The following HERC1 variants were observed in gnomAD, a reference collection of about 807,000 sequenced individuals.
The protein encoded by HERC1 is HECT and RLD domain containing E3 ubiquitin protein ligase family member 1.
A neutral mutation model predicts 554.3 loss-of-function variants in HERC1; 160 were observed. That is an observed-to-expected ratio of 0.29 (90% CI 0.25 to 0.33). HERC1 has a LOEUF of 0.33. Among genes scored for constraint, HERC1 ranks in the 10% least tolerant of loss-of-function variants. The pLI is 1.00. For missense variants in HERC1, 4,919 were observed against 5,918.5 expected, an observed-to-expected ratio of 0.83 and a Z score of 5.54; for synonymous variants, 2,175 against 2,131.7, an observed-to-expected ratio of 1.02 and a Z score of -0.56.
At chr15:63,782,770 T>G (rs1490726999) in intron 1 of HERC1, among the ~76,000 whole-genome samples, 1 of 152,232 alleles carries the variant, frequency 6.6e-6, no homozygotes, top group East Asian at 1.9e-4. Flanking sequence ...ATTAAGAGCA[T>G]CCATGGTTCA....
intron 2 of HERC1, among the ~76,000 whole-genome samples, chr15:63,769,048 C>A (rs1286086326): frequency 6.6e-6 from 1 of 152,128 alleles, no homozygotes; most frequent in Admixed American, 6.6e-5. Flanking sequence ...TTGTTAATTT[C>A]TCAACAAAAA....
intron 1 of HERC1, among the ~76,000 whole-genome samples, chr15:63,777,655 T>C (rs190248622): frequency 1.3e-5 from 2 of 152,324 alleles, no homozygotes; most frequent in East Asian, 3.9e-4. Flanking sequence ...GTCCTCAACA[T>C]TGCAAATATT....
rs151323780 is a variant in HERC1, at chr15:63,735,110, C to T, written c.2521-261G>A. Among the ~76,000 whole-genome samples, 48 of 152,178 alleles carry T rather than the reference C, an allele frequency of 3.2e-4. No individual in the cohort carries two copies. The East Asian group carries it at 8.5e-3, about 27-fold the overall frequency. ...TAGCATTCACCCTGGTAAGGCTCTGCGCAAAGTGATTTGGGTGCAGAAATG... is the reference window on the plus strand; with the variant it reads ...TAGCATTCACCCTGGTAAGGCTCTGTGCAAAGTGATTTGGGTGCAGAAATG... On this transcript the variant is annotated intron_variant, in intron 12 of 77. Transcript: ENST00000443617.
At chr15:63,643,197 A>C in intron 58 of HERC1, 139 bp from the exon 59 acceptor site, 2 of 802,344 alleles carry the variant, frequency 2.5e-6, no homozygotes, top group Non-Finnish European at 4.0e-6. Context: ...TCACATACCT[A>C]CTACAAAATT....
chr15:63,668,283 GGAGTTTGA>G (rs928513306), intron 40 of HERC1, among the ~76,000 whole-genome samples: 2 of 152,124 alleles, frequency 1.3e-5, no homozygotes, highest in African/African-American at 4.8e-5. Context: ...CTTGAGGTCA[GGAGTTTGA>G]GACCAGCCTG....
intron 1 of HERC1, among the ~76,000 whole-genome samples, chr15:63,829,574 T>C (rs1462154646): frequency 7.4e-6 from 1 of 135,468 alleles, no homozygotes; most frequent in East Asian, 2.0e-4. Context: ...TATATATATA[T>C]ATATATATAT....
intron 1 of HERC1, among the ~76,000 whole-genome samples, chr15:63,829,092 T>A (rs975828823): frequency 6.6e-6 from 1 of 152,072 alleles, no homozygotes; most frequent in African/African-American, 2.4e-5. Flanking sequence ...TGGATTAGAA[T>A]AGGTGTCAAT....
At chr15:63,815,626 A>C (rs1263257796) in intron 1 of HERC1, among the ~76,000 whole-genome samples, 2 of 152,160 alleles carry the variant, frequency 1.3e-5, no homozygotes, top group Non-Finnish European at 2.9e-5. Context: ...AAAATGTCTT[A>C]TTTACCTATC....
chr15:63,659,761 A>G lies in HERC1; in HGVS notation c.9399T>C (p.Ser3133=). ...ASVAMVTATN[S]MEETLMQIGC... ...CTATTTGCATCAGAGTCTCTTCCAT[A>G]CTGTTGGTGGCTGTGACCATTGCTA... is the stretch of plus-strand genomic sequence containing the variant. The change falls in exon 47 of 78, where the codon AGT becomes AGC. Residue 3133 remains serine (S), a synonymous_variant. Transcript: ENST00000443617. 1 of 1,613,724 alleles carries G rather than the reference A, an allele frequency of 6.2e-7. No homozygotes were observed. Among genetic ancestry groups the G allele is most frequent in the East Asian group, 2.2e-5 (1 of 44,886 alleles).
chr15:63,648,487 T>C (rs2069475094), intron 54 of HERC1, among the ~76,000 whole-genome samples: 2 of 152,362 alleles, frequency 1.3e-5, no homozygotes, highest in East Asian at 1.9e-4. Context: ...CCTTTGCTGA[T>C]TGTAAGTCAC....
rs781715501 is a variant in HERC1 at position 63,718,609 on chromosome 15, G to C, written c.3943C>G (p.Leu1315Val). The C allele has an allele frequency of 6.3e-7, 1 of 1,587,112 alleles. No homozygotes were observed. Among genetic ancestry groups the C allele is most frequent in the Admixed American group, 1.8e-5 (1 of 55,690 alleles). ...SRLLACKNLE[L>V]IQTRSSSRDR... ...CGTGATGATGACCTTGTTTGAATAA[G>C]TTCAAGGTTCTTGCAAGCAAGTAAA... The change falls in exon 21 of 78, where the codon CTT (leucine) becomes GTT (valine). Residue 1315 changes from leucine to valine, a missense_variant. Physicochemically the swap from Leu to Val is conservative, Grantham distance 32. Around this residue, in one of 11 missense-constraint regions of HERC1, gnomAD observed 1,121 missense variants for 1,244.0 expected, o/e 0.90. Transcript: ENST00000443617. The surrounding 1 kb of genome is among the most constrained non-coding windows in gnomAD (Gnocchi z 4.2).
At chr15:63,732,560 C>T (rs913910510) in intron 14 of HERC1, among the ~76,000 whole-genome samples, 5 of 152,218 alleles carry the variant, frequency 3.3e-5, no homozygotes, top group African/African-American at 1.2e-4. Flanking sequence ...CCACTGTCCT[C>T]TATCCTACTG....
intron 19 of HERC1, among the ~76,000 whole-genome samples, chr15:63,722,508 A>G (rs2073863368): frequency 6.6e-6 from 1 of 152,234 alleles, no homozygotes. Flanking sequence ...CTGTGGTCCA[A>G]AAATATTAAA....
intron 2 of HERC1, among the ~76,000 whole-genome samples, chr15:63,764,818 C>A: frequency 6.6e-6 from 1 of 152,158 alleles, no homozygotes; most frequent in East Asian, 1.9e-4. Flanking sequence ...AGAAAAAAAC[C>A]CTGAAACTTG....
intron 27 of HERC1, 127 bp downstream of exon 27, chr15:63,695,997 C>T (rs2072390605): frequency 4.5e-6 from 3 of 662,086 alleles, no homozygotes; most frequent in Non-Finnish European, 7.8e-6. Context: ...AACCAAGGAG[C>T]TATCTTAAAA....
chr15:63,789,084 T>TG (rs1336789105), intron 1 of HERC1, among the ~76,000 whole-genome samples: 1 of 103,822 alleles, frequency 9.6e-6, no homozygotes, highest in African/African-American at 4.4e-5. Context: ...AAAGGTTTTT[T>TG]TTTTTTTTTT....
intron 1 of HERC1, among the ~76,000 whole-genome samples, chr15:63,833,444 T>C (rs935196307): frequency 6.6e-6 from 1 of 151,996 alleles, no homozygotes; most frequent in African/African-American, 2.4e-5. Flanking sequence ...GCAGAGGAGC[T>C]GGTCAGCAGA....
rs74021319 is a variant in HERC1, at chr15:63,685,551, T to C, written c.6225+808A>G. 7.8e-3 allele frequency among the ~76,000 whole-genome samples: 1,189 copies of C among 152,348 alleles called. 9 individuals carry two copies. The highest frequency in any genetic ancestry group is 0.028 in the African/African-American group (1,152 of 41,580). On this transcript the variant is annotated intron_variant, in intron 34 of 77. Coordinates refer to ENST00000443617, the MANE Select transcript of HERC1 (RefSeq NM_003922.4). ...AAAAGTTAAGACAAAAGCTTAAGAATGAAGTCACATGGCTTTTTAAGATAG... is the reference window on the plus strand; with the variant it reads ...AAAAGTTAAGACAAAAGCTTAAGAACGAAGTCACATGGCTTTTTAAGATAG...
chr15:63,640,546 T>C, intron 60 of HERC1, 101 bp from the exon 61 acceptor site: 1 of 998,424 alleles, frequency 1.0e-6, no homozygotes. Flanking sequence ...TTTTTCAAGT[T>C]TACTGTTTAA....
Sources: gnomAD v4.1 joint callset for allele counts (sites outside exome capture counted in the v4.1 genomes callset) on GRCh38, gnomAD v4.1.1 for gene constraint, gnomAD v4.1.1 regional missense constraint, Gnocchi (gnomAD v3.1) non-coding constraint, MANE v1.5 for transcripts, NCBI Gene and HGNC (gene_info 2026-07-23, HGNC 2026-07-21) for gene names.